The following TM6SF1 variants were observed in gnomAD, a reference collection of about 807,000 sequenced individuals.
TM6SF1 encodes the protein transmembrane 6 superfamily member 1.
A neutral mutation model predicts 47.1 loss-of-function variants in TM6SF1; 43 were observed. The observed-to-expected ratio is 0.91, with a 90% CI of 0.72 to 1.18. The LOEUF is 1.18. Among genes scored for constraint, TM6SF1 ranks in the 50% most tolerant of loss-of-function variants. The pLI is 0.00. For synonymous variants in TM6SF1, 177 were observed against 166.3 expected (o/e 1.06, Z -0.49); for missense variants, 390 against 449.0 (o/e 0.87, Z 1.19).
intron 4 of TM6SF1, 181 bp downstream of exon 4, chr15:83,119,862 C>A: frequency 1.1e-6 from 1 of 875,280 alleles, no homozygotes; most frequent in Non-Finnish European, 1.7e-6. Flanking sequence ...TGAATATGTC[C>A]TTCTGAATTG....
intron 1 of TM6SF1, among the ~76,000 whole-genome samples, chr15:83,112,148 C>T (rs974292719): frequency 2.6e-5 from 4 of 152,142 alleles, no homozygotes; most frequent in African/African-American, 9.7e-5. Flanking sequence ...CTCAACTAAG[C>T]TTCACCTTGG....
In TM6SF1 at chr15:83,136,602, T is replaced by A. The variant is rs1211531610; in HGVS notation, c.1043T>A (p.Leu348His). The A allele has an allele frequency of 6.2e-7, 1 of 1,613,380 alleles. No individual in the cohort carries two copies. The highest frequency in any genetic ancestry group is 2.2e-5 in the East Asian group (1 of 44,862). Residue 348 changes from leucine (L) to histidine (H), a missense_variant, in exon 10 of 10, where the codon CTC becomes CAC. Coordinates refer to ENST00000322019, the MANE Select transcript of TM6SF1 (RefSeq NM_023003.5). ...ATAGCATATGGAGTTCTTCCTCAGC[T>A]CTTGGCCTATCGTTGTATCTACAAA... is the stretch of plus-strand genomic sequence containing the variant. ...LNIAYGVLPQ[L>H]LAYRCIYKPE...
chr15:83,136,581 C>CTAA lies in TM6SF1; in HGVS notation c.1022_1023insTAA (p.Ala341_Tyr342insLys). ...ATCCTTTTTTTAGCATTAAACATAG[C>CTAA]ATATGGAGTTCTTCCTCAGCTCTTG... is the stretch of plus-strand genomic sequence containing the variant. On this transcript the variant is annotated inframe_insertion, in exon 10 of 10. Coordinates refer to ENST00000322019, the MANE Select transcript of TM6SF1 (RefSeq NM_023003.5). 1 of 1,613,752 alleles carries CTAA rather than the reference C, an allele frequency of 6.2e-7. No homozygotes were observed. The highest frequency in any genetic ancestry group is 8.5e-7 in the Non-Finnish European group (1 of 1,179,808).
In TM6SF1 at chr15:83,136,650, A is replaced by G; in HGVS notation, c.1091A>G (p.Lys364Arg). ...AAACCAGAGTTCTTCATAAAAACAA[A>G]GGCAGAAGAAAAAGTGGAATAAAAA... ...IYKPEFFIKT[K>R]AEEKVE The change falls in exon 10 of 10, where the codon AAG becomes AGG. Residue 364 changes from lysine (K) to arginine (R), a missense_variant. Coordinates refer to ENST00000322019, the MANE Select transcript of TM6SF1 (RefSeq NM_023003.5). 1 of 1,591,894 alleles carries G rather than the reference A, an allele frequency of 6.3e-7. No homozygotes were observed. Among genetic ancestry groups the G allele is most frequent in the South Asian group, 1.2e-5 (1 of 86,282 alleles).
rs933535873 is a variant in TM6SF1 at position 83,136,814 on chromosome 15, T to A, written c.*142T>A. The A allele has an allele frequency of 1.7e-6, 1 of 574,676 alleles. No individual in the cohort carries two copies. Among genetic ancestry groups the A allele is most frequent in the African/African-American group, 1.9e-5 (1 of 51,936 alleles). The allele number at this position is 574,676 out of a possible 1,614,324, so 35.6% of individuals were successfully genotyped here. ...TGCTCTGCACTGTATGTGTGAGCTA[T>A]ATGGTATTGTGTAAATTTTTTTTGA... On this transcript the variant is annotated 3_prime_UTR_variant, in exon 10 of 10. Coordinates refer to ENST00000322019, the MANE Select transcript of TM6SF1 (RefSeq NM_023003.5).
In TM6SF1 at chr15:83,126,774, C is replaced by T. The variant is rs760311621; in HGVS notation, c.728C>T (p.Ser243Phe). 1.2e-6 allele frequency: 2 copies of T among 1,613,370 alleles called. No individual in the cohort carries two copies. The highest frequency in any genetic ancestry group is 2.2e-5 in the South Asian group (2 of 90,968). Reference protein sequence around the residue: ...FRGLIALDCPSELCRLYTQFQ... With the variant: ...FRGLIALDCPFELCRLYTQFQ... The stretch of plus-strand genomic sequence containing the variant: ...CCTTAGATTGCTTTGGATTGCCCAT[C>T]TGAGCTCTGCCGATTATATACGCAA... Residue 243 changes from serine to phenylalanine, a missense_variant, in exon 8 of 10, where the codon TCT (serine) becomes TTT (phenylalanine). Physicochemically the swap from Ser to Phe is radical, Grantham distance 155. Coordinates refer to ENST00000322019, the MANE Select transcript of TM6SF1 (RefSeq NM_023003.5).
chr15:83,127,297 T>G (rs1313622240), intron 8 of TM6SF1, 61 bp from the exon 9 acceptor site: 1 of 1,486,472 alleles, frequency 6.7e-7, no homozygotes. Flanking sequence ...TTTTTGTACT[T>G]TTTAGTCAGG....
In TM6SF1 at chr15:83,107,710, C is replaced by T; in HGVS notation, c.30C>T (p.Phe10=). MSASAATGV[F]VLSLSAIPVT... is the part of the protein sequence containing the mutation. ...GTGCCTCTGCGGCCACCGGGGTCTT[C>T]GTGCTGTCCCTCTCGGCCATCCCGG... The change falls in exon 1 of 10, where the codon TTC becomes TTT. Residue 10 remains phenylalanine (F), a synonymous_variant. Transcript: ENST00000322019. This position sits in a 1 kb window ranked among gnomAD's most constrained non-coding sequence, Gnocchi z 5.6. 2 of 1,568,580 alleles carry T rather than the reference C, an allele frequency of 1.3e-6. No homozygotes were observed. The highest frequency in any genetic ancestry group is 8.6e-7 in the Non-Finnish European group (1 of 1,159,694).
intron 3 of TM6SF1, among the ~76,000 whole-genome samples, 187 bp from the exon 4 acceptor site, chr15:83,119,391 A>G (rs1011998415): frequency 1.3e-5 from 2 of 152,178 alleles, no homozygotes; most frequent in African/African-American, 4.8e-5. Flanking sequence ...CTGTGGCCAG[A>G]CCCTGGTTTT....
At chr15:83,122,271 A>G (rs2035332172) in intron 5 of TM6SF1, among the ~76,000 whole-genome samples, 1 of 152,146 alleles carries the variant, frequency 6.6e-6, no homozygotes. Context: ...GGGAGTGAGT[A>G]TGGTGTTTAT....
intron 2 of TM6SF1, 31 bp from the exon 3 acceptor site, chr15:83,115,814 G>A (rs752065754): frequency 1.3e-6 from 2 of 1,488,338 alleles, no homozygotes; most frequent in Non-Finnish European, 1.9e-6. Context: ...CTGAGCTATT[G>A]CTTTTTAAAC....
intron 9 of TM6SF1, 90 bp downstream of exon 9, chr15:83,127,567 A>C: frequency 2.1e-6 from 3 of 1,414,714 alleles, no homozygotes; most frequent in Non-Finnish European, 2.9e-6. Context: ...AGTGTTTTAG[A>C]CTAGGAGATA....
intron 8 of TM6SF1, among the ~76,000 whole-genome samples, 168 bp from the exon 9 acceptor site, chr15:83,127,190 C>T (rs894078232): frequency 2.1e-5 from 3 of 145,874 alleles, no homozygotes; most frequent in African/African-American, 7.7e-5. Context: ...TGAGACTCCA[C>T]CTAAAAAAAT....
chr15:83,121,553 A>G (rs1357420529), intron 4 of TM6SF1, among the ~76,000 whole-genome samples: 2 of 152,242 alleles, frequency 1.3e-5, no homozygotes, highest in Non-Finnish European at 2.9e-5. Context: ...ACTTATAATG[A>G]TTAAAAATAT....
At chr15:83,112,411 G>A (rs1327749726) in intron 1 of TM6SF1, among the ~76,000 whole-genome samples, 3 of 152,224 alleles carry the variant, frequency 2.0e-5, no homozygotes, top group Non-Finnish European at 4.4e-5. Flanking sequence ...AGGTGGCAGA[G>A]TCAGTGGTGA....
At chr15:83,126,176 G>A (rs1034040148) in intron 7 of TM6SF1, among the ~76,000 whole-genome samples, 7 of 152,186 alleles carry the variant, frequency 4.6e-5, no homozygotes, top group Admixed American at 6.5e-5. Context: ...CCATCTAGGT[G>A]GGACAACATT....
In TM6SF1 at chr15:83,107,799, G is replaced by C; in HGVS notation, c.92+27G>C. 1 of 1,559,616 alleles carries C rather than the reference G, an allele frequency of 6.4e-7. No individual in the cohort carries two copies. Among genetic ancestry groups the C allele is most frequent in the African/African-American group, 1.4e-5 (1 of 70,748 alleles). ...TGAGTGAGCCGGCGCGGCGGGGGTC[G>C]CGCCGAGGGGCGGCGGGAGTTGGCT... On this transcript the variant is annotated intron_variant, in intron 1 of 9. Transcript: ENST00000322019. The surrounding 1 kb of genome is among the most constrained non-coding windows in gnomAD (Gnocchi z 5.6).
rs781677192 is a variant in TM6SF1 at position 83,122,742 on chromosome 15, C to G, written c.482-15C>G. The G allele has an allele frequency of 2.5e-6, 4 of 1,609,990 alleles. No individual in the cohort carries two copies. In the Admixed American group the frequency reaches 5.1e-5, roughly 20 times the overall value. On this transcript the variant is annotated splice_polypyrimidine_tract_variant and intron_variant, in intron 5 of 9. Coordinates refer to ENST00000322019, the MANE Select transcript of TM6SF1 (RefSeq NM_023003.5). ...TGCTTTTGGTAACTTCTTTCTCTTTCTCTCTTTTAAATAGGGAAGTATGGA... is the reference window on the plus strand; with the variant it reads ...TGCTTTTGGTAACTTCTTTCTCTTTGTCTCTTTTAAATAGGGAAGTATGGA...
chr15:83,122,951 T>C (rs895947910), intron 6 of TM6SF1, 73 bp downstream of exon 6: 9 of 1,558,852 alleles, frequency 5.8e-6, no homozygotes, highest in African/African-American at 1.4e-5. Context: ...GGCCACTGAA[T>C]TGAACCATGC....
Sources: allele counts gnomAD v4.1 joint callset (sites outside exome capture counted in the v4.1 genomes callset), GRCh38; gene constraint gnomAD v4.1.1; non-coding constraint Gnocchi (gnomAD v3.1); transcripts MANE v1.5; gene names NCBI Gene and HGNC (gene_info 2026-07-23, HGNC 2026-07-21).